The following ERI1 variants were observed in gnomAD, a reference collection of about 807,000 sequenced individuals.
ERI1 encodes the protein exoribonuclease 1, also known as 3'-5' exoribonuclease 1.
ERI1 carries 39 observed loss-of-function variants against 39.7 expected under a neutral mutation model. That is an observed-to-expected ratio of 0.98 (90% CI 0.76 to 1.28). The LOEUF (loss-of-function observed/expected upper bound fraction) is 1.28. Ranked by LOEUF, ERI1 falls within the 50% of genes most tolerant of loss-of-function variation. ERI1 has a pLI of 0.00. For missense variants in ERI1, 581 were observed against 416.9 expected (o/e 1.39, Z -3.43); for synonymous variants, 204 against 149.6 (o/e 1.36, Z -2.65).
At chr8:9,088,457 A>C (rs1054461103) in intron 3 of ERI1, 2 of 152,170 alleles carry the variant, frequency 1.3e-5, no homozygotes, top group South Asian at 2.1e-4. Context: ...ATTATCATTA[A>C]AGAGAAAGAG....
chr8:9,086,562 C>T (rs568318607), intron 3 of ERI1, among the ~76,000 whole-genome samples: 33 of 152,218 alleles, frequency 2.2e-4, no homozygotes, highest in African/African-American at 7.7e-4. Flanking sequence ...AGGCAACCGA[C>T]CAACCAATTC....
At chr8:9,079,508 A>G (rs963804003) in intron 3 of ERI1, among the ~76,000 whole-genome samples, 2 of 152,226 alleles carry the variant, frequency 1.3e-5, no homozygotes, top group African/African-American at 4.8e-5. Flanking sequence ...AGAATGGGCT[A>G]GCAAAAAAGA....
intron 3 of ERI1, among the ~76,000 whole-genome samples, chr8:9,071,839 G>T (rs1027747309): frequency 6.6e-6 from 1 of 152,244 alleles, no homozygotes; most frequent in African/African-American, 2.4e-5. Context: ...ACCAAGGTGG[G>T]AGGACTGCTT....
chr8:9,048,574 C>T (rs1798253412), intron 3 of ERI1: 1 of 153,768 alleles, frequency 6.5e-6, no homozygotes, highest in African/African-American at 2.4e-5. Flanking sequence ...CAGCAGATAA[C>T]AGCTGATGTG....
chr8:9,040,199 T>A (rs1021941051), intron 3 of ERI1, among the ~76,000 whole-genome samples: 7 of 152,200 alleles, frequency 4.6e-5, no homozygotes, highest in African/African-American at 1.7e-4. Context: ...ACAGGAGTCT[T>A]GGAGAGGGAA....
intron 5 of ERI1, among the ~76,000 whole-genome samples, chr8:9,018,696 C>G (rs1008162871): frequency 6.6e-6 from 1 of 152,188 alleles, no homozygotes; most frequent in African/African-American, 2.4e-5. Context: ...AAAGTTCAGA[C>G]TCTTGAGCTT....
chr8:9,018,911 C>T (rs774897640), intron 5 of ERI1, among the ~76,000 whole-genome samples: 3 of 152,162 alleles, frequency 2.0e-5, no homozygotes, highest in African/African-American at 4.8e-5. Context: ...ACCCTGACAA[C>T]GCCATTGATC....
chr8:9,075,325 A>G (rs906305272), intron 3 of ERI1, among the ~76,000 whole-genome samples: 1 of 152,108 alleles, frequency 6.6e-6, no homozygotes, highest in African/African-American at 2.4e-5. Flanking sequence ...GTTATATACT[A>G]TGAGGAAATG....
chr8:9,089,970 A>G (rs2117474161), intron 3 of ERI1, among the ~76,000 whole-genome samples: 1 of 152,288 alleles, frequency 6.6e-6, no homozygotes, highest in African/African-American at 2.4e-5. Flanking sequence ...GTTGGCAAAG[A>G]GGGTGTGCTA....
chr8:9,050,660 G>T (rs1485760064), intron 3 of ERI1, among the ~76,000 whole-genome samples: 1 of 152,128 alleles, frequency 6.6e-6, no homozygotes, highest in Non-Finnish European at 1.5e-5. Flanking sequence ...GCTTTGATGC[G>T]TATTAATATA....
intron 4 of ERI1, among the ~76,000 whole-genome samples, chr8:9,017,000 T>C (rs1057136875): frequency 1.3e-5 from 2 of 152,086 alleles, no homozygotes; most frequent in African/African-American, 4.8e-5. Flanking sequence ...AGTTTTAGAA[T>C]GTATCTGTTT....
At chr8:9,066,859 G>T (rs940749709) in intron 3 of ERI1, among the ~76,000 whole-genome samples, 1 of 152,098 alleles carries the variant, frequency 6.6e-6, no homozygotes, top group Non-Finnish European at 1.5e-5. Context: ...TTGCCTCACT[G>T]TTCTGATGTT....
chr8:9,063,710 T>A (rs1798778223), intron 3 of ERI1, among the ~76,000 whole-genome samples: 1 of 152,150 alleles, frequency 6.6e-6, no homozygotes, highest in Non-Finnish European at 1.5e-5. Flanking sequence ...CTCAGACCAT[T>A]TGCCCATTTT....
At chr8:9,045,020 G>C (rs965025601) in intron 3 of ERI1, among the ~76,000 whole-genome samples, 4 of 151,750 alleles carry the variant, frequency 2.6e-5, no homozygotes, top group Non-Finnish European at 4.4e-5. Flanking sequence ...GGCGGATCAC[G>C]AGGTCAGGAG....
intron 1 of ERI1, chr8:9,004,158 T>G: frequency 1.6e-6 from 2 of 1,289,152 alleles, no homozygotes; most frequent in South Asian, 1.2e-5. Context: ...CTGTGTGCAC[T>G]TCCTTTGGAT....
chr8:9,094,429 A>G (rs1799808024), intron 3 of ERI1, among the ~76,000 whole-genome samples: 1 of 152,098 alleles, frequency 6.6e-6, no homozygotes, highest in Admixed American at 6.5e-5. Flanking sequence ...TGAGTCTCAA[A>G]CTTTTCAATC....
intron 3 of ERI1, among the ~76,000 whole-genome samples, chr8:9,088,930 C>T (rs914446301): frequency 1.4e-4 from 21 of 152,282 alleles, no homozygotes; most frequent in African/African-American, 4.6e-4. Flanking sequence ...CTCCTCCTAC[C>T]CTGGAGAGCA....
At chr8:9,013,541 C>G (rs1182147160) in intron 3 of ERI1, among the ~76,000 whole-genome samples, 6 of 151,968 alleles carry the variant, frequency 3.9e-5, no homozygotes, top group African/African-American at 1.5e-4. Context: ...TGCTTACATC[C>G]TCTTCTCTGC....
chr8:9,069,638 A>C (rs146614704), intron 3 of ERI1, among the ~76,000 whole-genome samples: 2 of 152,318 alleles, frequency 1.3e-5, no homozygotes, highest in East Asian at 3.9e-4. Flanking sequence ...AATGCTTGCC[A>C]CCTAAGTGAC....
Sources: gnomAD v4.1 joint callset for allele counts (sites outside exome capture counted in the v4.1 genomes callset) on GRCh38, gnomAD v4.1.1 for gene constraint, MANE v1.5 for transcripts, NCBI Gene and HGNC (gene_info 2026-07-23, HGNC 2026-07-21) for gene names.